The following CDK12 variants were observed in gnomAD, a reference collection of about 807,000 sequenced individuals.
CDK12 encodes cyclin-dependent kinase 12.
In CDK12, 17 loss-of-function variants were observed where a neutral mutation model predicts 133.8. That is an observed-to-expected ratio of 0.13 (90% CI 0.09 to 0.19). CDK12 has a LOEUF of 0.19. Among genes scored for constraint, CDK12 ranks in the 10% least tolerant of loss-of-function variants. CDK12 has a pLI of 1.00. For synonymous variants in CDK12, 694 were observed against 683.6 expected (o/e 1.02, Z -0.24); for missense variants, 1,508 against 1,818.7 (o/e 0.83, Z 3.11).
Position 39,471,861 on chromosome 17 carries a change from C to T in CDK12, c.1931+98C>T, listed in dbSNP as rs1286130356. ...AACACTACCCTCATGGTTTTATGAACAGGAAATGTCTTTGATATTTTCAGT... is the reference window on the plus strand; with the variant it reads ...AACACTACCCTCATGGTTTTATGAATAGGAAATGTCTTTGATATTTTCAGT... On this transcript the variant is annotated intron_variant, in intron 2 of 13. Transcript: ENST00000447079. The T allele has an allele frequency of 6.8e-6, 7 of 1,031,200 alleles. No individual in the cohort carries two copies. In the African/African-American group the frequency reaches 1.1e-4, roughly 17 times the overall value. The allele number at this position is 1,031,200 out of a possible 1,614,324, so 63.9% of individuals were successfully genotyped here. A position where few individuals can be genotyped will look rare whatever the true frequency, so the allele number is the denominator to read the frequency against.
chr17:39,493,289 C>G (rs940336408), intron 4 of CDK12, among the ~76,000 whole-genome samples: 1 of 151,268 alleles, frequency 6.6e-6, no homozygotes, highest in African/African-American at 2.4e-5. Flanking sequence ...AGATGTGAGC[C>G]ACGGCGCCAG....
In CDK12 at chr17:39,501,395, C is replaced by T. The variant is rs2146144205; in HGVS notation, c.2565C>T (p.Phe855=). 1 of 1,613,324 alleles carries T rather than the reference C, an allele frequency of 6.2e-7. No individual in the cohort carries two copies. The highest frequency in any genetic ancestry group is 8.5e-7 in the Non-Finnish European group (1 of 1,179,800). ...TGGAATACTGTCACAAAAAGAATTT[C>T]CTGCATCGGGATATTAAGTGTTCTA... ...EGLEYCHKKN[F]LHRDIKCSNI... Residue 855 remains phenylalanine (F), a synonymous_variant, in exon 6 of 14, where the codon TTC becomes TTT. Coordinates refer to ENST00000447079, the MANE Select transcript of CDK12 (RefSeq NM_016507.4).
At chr17:39,525,191 C>G (rs2054422146) in intron 12 of CDK12, among the ~76,000 whole-genome samples, 1 of 152,044 alleles carries the variant, frequency 6.6e-6, no homozygotes, top group Non-Finnish European at 1.5e-5. Context: ...TTAGTTCACC[C>G]ATGACTTTAT....
intron 10 of CDK12, among the ~76,000 whole-genome samples, chr17:39,517,915 C>T (rs1380376078): frequency 2.0e-5 from 3 of 150,788 alleles, no homozygotes; most frequent in East Asian, 1.9e-4. Flanking sequence ...TGCAGTGGCA[C>T]GTTTAGGGCT....
chr17:39,526,338 C>T (rs1452336621), intron 13 of CDK12, 22 bp downstream of exon 13: 1 of 1,534,106 alleles, frequency 6.5e-7, no homozygotes, highest in East Asian at 2.3e-5. Flanking sequence ...GGTCATGAAT[C>T]TCATTGAGCT....
upstream of CDK12, among the ~76,000 whole-genome samples, chr17:39,543,658 A>G (rs1042191794): frequency 3.3e-5 from 5 of 152,228 alleles, no homozygotes; most frequent in Non-Finnish European, 7.3e-5. Flanking sequence ...CAACTTTGAT[A>G]GACAGCATAG....
intron 9 of CDK12, among the ~76,000 whole-genome samples, 168 bp downstream of exon 9, chr17:39,515,976 A>G (rs2053777837): frequency 6.6e-6 from 1 of 152,252 alleles, no homozygotes; most frequent in Non-Finnish European, 1.5e-5. Flanking sequence ...CTATACATAT[A>G]AAGAAGTTTT....
At chr17:39,564,492 G>A (rs2056504114) in intron 3 of CDK12, among the ~76,000 whole-genome samples, 1 of 152,158 alleles carries the variant, frequency 6.6e-6, no homozygotes, top group Admixed American at 6.5e-5. Context: ...TGGTCTTGGA[G>A]GACAAACCAA....
Position 39,534,477 on chromosome 17 carries a change from A to T in CDK12, c.*3161A>T, listed in dbSNP as rs935435529. ...GTACAGATATTTTGTAATATATTAA[A>T]TTTTTTTCTTTCAGTTTATAAAAAT... On this transcript the variant is annotated 3_prime_UTR_variant, in exon 14 of 14. Coordinates refer to ENST00000447079, the MANE Select transcript of CDK12 (RefSeq NM_016507.4). 2.0e-4 allele frequency: 46 copies of T among 232,202 alleles called. No homozygotes were observed. Among genetic ancestry groups the T allele is most frequent in the African/African-American group, 8.6e-4 (39 of 45,256 alleles). 14.4% of individuals were successfully genotyped at this position (232,202 alleles called of 1,614,324 possible).
At chr17:39,486,790 T>G (rs931916511) in intron 2 of CDK12, among the ~76,000 whole-genome samples, 17 of 151,944 alleles carry the variant, frequency 1.1e-4, no homozygotes, top group Non-Finnish European at 2.5e-4. Flanking sequence ...GGGCAGATCA[T>G]GAGGTCAGGA....
intron 13 of CDK12, 194 bp from the exon 14 acceptor site, chr17:39,530,410 G>C: frequency 1.5e-6 from 1 of 668,386 alleles, no homozygotes. Flanking sequence ...CTAGCTGTTA[G>C]ATCCAGGATG....
chr17:39,478,200 A>AT (rs71353586), intron 2 of CDK12, among the ~76,000 whole-genome samples: 92,536 of 146,926 alleles, frequency 0.63, 31,377 homozygotes, highest in South Asian at 0.89. Flanking sequence ...TTTGGCCATT[A>AT]TTTTTTTTTT....
intron 1 of CDK12, among the ~76,000 whole-genome samples, chr17:39,469,317 A>G (rs2049602875): frequency 6.6e-6 from 1 of 152,210 alleles, no homozygotes; most frequent in African/African-American, 2.4e-5. Flanking sequence ...GGAGTTTCTA[A>G]AAAGTCTATT....
At chr17:39,501,525 A>G (rs1419569420) in intron 6 of CDK12, 86 bp downstream of exon 6, 2 of 849,718 alleles carry the variant, frequency 2.4e-6, no homozygotes, top group Non-Finnish European at 3.7e-6. Flanking sequence ...TATTATAATT[A>G]GACCTAATAG....
chr17:39,474,781 CTTTTTTTT>C (rs893347738), intron 2 of CDK12, among the ~76,000 whole-genome samples: 34 of 94,134 alleles, frequency 3.6e-4, no homozygotes, highest in African/African-American at 1.3e-3. Context: ...ATGATGTTTC[CTTTTTTTT>C]TTTTTTTTTT....
chr17:39,515,783 G>A lies in CDK12; in HGVS notation c.2821G>A (p.Glu941Lys). ...GAAGCCTATTTTTCAAGCCAATCTGGAACTGGCTCAGCTAGAACTGATCAG... is the reference window on the plus strand; with the variant it reads ...GAAGCCTATTTTTCAAGCCAATCTGAAACTGGCTCAGCTAGAACTGATCAG... ...TKKPIFQANL[E>K]LAQLELISRL... Residue 941 changes from glutamate (E) to lysine (K), a missense_variant, in exon 9 of 14, where the codon GAA (glutamate) becomes AAA (lysine). Around this residue, in one of 9 missense-constraint regions of CDK12, gnomAD observed 82 missense variants for 201.5 expected, o/e 0.41. Transcript: ENST00000447079. The A allele has an allele frequency of 6.2e-7, 1 of 1,613,454 alleles. No individual in the cohort carries two copies. The highest frequency in any genetic ancestry group is 8.5e-7 in the Non-Finnish European group (1 of 1,179,614).
At position 39,490,789 on chromosome 17, in the gene CDK12, T is replaced by A. The variant is rs72827109; in HGVS notation, c.2108+56T>A. The stretch of plus-strand genomic sequence containing the variant: ...ATAGTTTTCTCCCTTCCTTTTGAAC[T>A]AAATCTCTCATGTTTCTTCTATAAC... On this transcript the variant is annotated intron_variant, in intron 3 of 13. Coordinates refer to ENST00000447079, the MANE Select transcript of CDK12 (RefSeq NM_016507.4). 72,589 of 1,323,386 alleles carry A rather than the reference T, an allele frequency of 0.055. 2,441 individuals carry two copies. Among genetic ancestry groups the A allele is most frequent in the Non-Finnish European group, 0.066 (62,705 of 952,190 alleles). The allele number at this position is 1,323,386 out of a possible 1,614,324, so 82.0% of individuals were successfully genotyped here.
At chr17:39,506,255 CA>C (rs1281967651) in intron 6 of CDK12, among the ~76,000 whole-genome samples, 1 of 130,416 alleles carries the variant, frequency 7.7e-6, no homozygotes, top group Admixed American at 8.6e-5. Flanking sequence ...CTCACTCTGT[CA>C]CCAGGCTGGA....
At chr17:39,529,131 C>A (rs758395347) in intron 13 of CDK12, among the ~76,000 whole-genome samples, 8 of 152,114 alleles carry the variant, frequency 5.3e-5, no homozygotes, top group Non-Finnish European at 8.8e-5. Flanking sequence ...TGAACTGTCC[C>A]GGTTTTAAAG....
Sources: gnomAD v4.1 joint callset for allele counts (sites outside exome capture counted in the v4.1 genomes callset) on GRCh38, gnomAD v4.1.1 for gene constraint, gnomAD v4.1.1 regional missense constraint, MANE v1.5 for transcripts, NCBI Gene and HGNC (gene_info 2026-07-23, HGNC 2026-07-21) for gene names.